The following ATF2 variants were observed in gnomAD, a reference collection of about 807,000 sequenced individuals.
The protein encoded by ATF2 is activating transcription factor 2, also known as cyclic AMP-dependent transcription factor ATF-2.
In ATF2, 24 loss-of-function variants were observed where a neutral mutation model predicts 60.6. That is an observed-to-expected ratio of 0.40 (90% CI 0.29 to 0.56). The LOEUF is 0.56. ATF2 is among the 20% of genes least tolerant of loss of function. The pLI, the probability that ATF2 is intolerant of heterozygous loss-of-function variation, is 0.54. For missense variants in ATF2, 433 were observed against 607.7 expected, an observed-to-expected ratio of 0.71 and a Z score of 3.02; for synonymous variants, 206 against 215.4, an observed-to-expected ratio of 0.96 and a Z score of 0.38.
In ATF2 at chr2:175,111,172, G is replaced by A. The variant is rs538178289; in HGVS notation, c.828+396C>T. On this transcript the variant is annotated intron_variant, in intron 10 of 13. Coordinates refer to ENST00000264110, the MANE Select transcript of ATF2 (RefSeq NM_001880.4). ...CAACAGAAAAAAATGGTTTTATCAT[G>A]TTTGCTAACTTGTACACTATTTCAG... Among the ~76,000 whole-genome samples, 5 of 152,250 alleles carry A rather than the reference G, an allele frequency of 3.3e-5. 1 individual carries two copies. The highest frequency in any genetic ancestry group is 1.2e-4 in the African/African-American group (5 of 41,548).
chr2:175,114,136 TAA>T (rs765659135), intron 8 of ATF2, 28 bp from the exon 9 acceptor site: 2 of 1,546,010 alleles, frequency 1.3e-6, no homozygotes, highest in South Asian at 2.4e-5. Context: ...AGAGAAATTT[TAA>T]AAAAGAGATT....
Position 175,074,502 on chromosome 2 carries a change from A to C in ATF2, c.*107T>G. 5 of 1,389,384 alleles carry C rather than the reference A, an allele frequency of 3.6e-6. No individual in the cohort carries two copies. The highest frequency in any genetic ancestry group is 4.8e-6 in the Non-Finnish European group (5 of 1,046,322). 86.1% of individuals were successfully genotyped at this position (1,389,384 alleles called of 1,614,324 possible). A position where few individuals can be genotyped will look rare whatever the true frequency, so the allele number is the denominator to read the frequency against. ...GCCAAATTTAATTTCAAGTAAAAAA[A>C]AAAAATTTACAACCACAGATTTCGC... On this transcript the variant is annotated 3_prime_UTR_variant, in exon 14 of 14. Coordinates refer to ENST00000264110, the MANE Select transcript of ATF2 (RefSeq NM_001880.4).
intron 1 of ATF2, among the ~76,000 whole-genome samples, chr2:175,155,828 G>C (rs1205558077): frequency 6.6e-6 from 1 of 152,046 alleles, no homozygotes; most frequent in African/African-American, 2.4e-5. Flanking sequence ...ATGATATTTA[G>C]GTACTTATAA....
intron 2 of ATF2, among the ~76,000 whole-genome samples, chr2:175,136,946 A>T (rs16863054): frequency 0.26 from 39,576 of 151,850 alleles, 6,077 homozygotes; most frequent in African/African-American, 0.44. Context: ...AACAGCTCCA[A>T]TTGTATCAGC....
chr2:175,141,497 T>C (rs1183584349), intron 2 of ATF2, among the ~76,000 whole-genome samples: 1 of 151,994 alleles, frequency 6.6e-6, no homozygotes, highest in African/African-American at 2.4e-5. Context: ...TTTTCTTTTC[T>C]TTTTTTTCTT....
chr2:175,093,355 A>G, intron 11 of ATF2, 88 bp from the exon 12 acceptor site: 2 of 1,317,248 alleles, frequency 1.5e-6, no homozygotes, highest in Non-Finnish European at 2.1e-6. Flanking sequence ...GGGGGAGAGC[A>G]ACTGTATTTT....
chr2:175,162,537 C>T (rs1700092632), intron 1 of ATF2, among the ~76,000 whole-genome samples: 1 of 152,120 alleles, frequency 6.6e-6, no homozygotes, highest in Admixed American at 6.5e-5. Flanking sequence ...AGAAAAAATG[C>T]ACAGAGATGT....
rs1693000878 is a variant in ATF2, at chr2:175,072,447, TAC to T, written c.*2160_*2161del. 1 of 152,192 alleles carries T rather than the reference TAC, an allele frequency of 6.6e-6. No individual in the cohort carries two copies. The allele number at this position is 152,192 out of a possible 1,614,324, so 9.4% of individuals were successfully genotyped here. On this transcript the variant is annotated 3_prime_UTR_variant, in exon 14 of 14. Coordinates refer to ENST00000264110, the MANE Select transcript of ATF2 (RefSeq NM_001880.4). ...CTAATAATGATTTTTATTTGCTCAG[TAC>T]AGACTGATTTACAATGAAAGTTTTG...
chr2:175,155,148 T>C lies in ATF2; in HGVS notation c.-142-3990A>G, dbSNP rs150506044. ...AGTTTTAAGAAAATCAGCTTCTGTA[T>C]CTTCATCTTCCCTTTGTTTGCTTTC... On this transcript the variant is annotated intron_variant, in intron 1 of 13. Coordinates refer to ENST00000264110, the MANE Select transcript of ATF2 (RefSeq NM_001880.4). 2.9e-3 allele frequency among the ~76,000 whole-genome samples: 442 copies of C among 152,306 alleles called. 3 individuals carry two copies. Among genetic ancestry groups the C allele is most frequent in the African/African-American group, 9.5e-3 (393 of 41,570 alleles).
intron 1 of ATF2, among the ~76,000 whole-genome samples, chr2:175,166,489 G>T (rs1024685921): frequency 1.2e-4 from 19 of 152,062 alleles, no homozygotes; most frequent in African/African-American, 4.1e-4. Flanking sequence ...TATTTAAAAC[G>T]TATTTTACAA....
chr2:175,114,255 T>C, intron 8 of ATF2, 147 bp from the exon 9 acceptor site: 1 of 1,400,896 alleles, frequency 7.1e-7, no homozygotes, highest in East Asian at 2.7e-5. Context: ...AATTTAATTA[T>C]TTTTAATTGC....
intron 2 of ATF2, among the ~76,000 whole-genome samples, chr2:175,150,557 C>T (rs1322796464): frequency 6.6e-6 from 1 of 152,092 alleles, no homozygotes; most frequent in South Asian, 2.1e-4. Context: ...TTCCAATTAA[C>T]GTTTCTGATC....
At chr2:175,165,830 A>G (rs1042340736) in intron 1 of ATF2, among the ~76,000 whole-genome samples, 1 of 152,210 alleles carries the variant, frequency 6.6e-6, no homozygotes, top group Non-Finnish European at 1.5e-5. Context: ...ACACCCAGCT[A>G]ATTTTTGGTA....
intron 12 of ATF2, among the ~76,000 whole-genome samples, chr2:175,088,455 T>C (rs1018769240): frequency 1.3e-5 from 2 of 152,150 alleles, no homozygotes; most frequent in Non-Finnish European, 2.9e-5. Flanking sequence ...CTTTTCCACA[T>C]CATTAACTTA....
chr2:175,156,695 A>G (rs55672103), intron 1 of ATF2, among the ~76,000 whole-genome samples: 39,676 of 152,104 alleles, frequency 0.26, 6,164 homozygotes, highest in African/African-American at 0.44. Context: ...GAATTAACTT[A>G]GAAGTGGATT....
intron 10 of ATF2, among the ~76,000 whole-genome samples, chr2:175,109,397 T>C: frequency 6.6e-6 from 1 of 152,276 alleles, no homozygotes; most frequent in African/African-American, 2.4e-5. Flanking sequence ...AAAGTGGCTA[T>C]TTATATGAAA....
intron 3 of ATF2, among the ~76,000 whole-genome samples, chr2:175,134,112 T>C (rs1057397247): frequency 6.6e-6 from 1 of 152,194 alleles, no homozygotes; most frequent in Non-Finnish European, 1.5e-5. Context: ...ATCAAAAATA[T>C]GTGAGAAAAA....
At chr2:175,156,317 G>A (rs1234838242) in intron 1 of ATF2, among the ~76,000 whole-genome samples, 5 of 142,662 alleles carry the variant, frequency 3.5e-5, no homozygotes, top group Admixed American at 2.2e-4. Flanking sequence ...GTTGCAGTGA[G>A]CCGAGATTGC....
At chr2:175,079,921 A>T (rs974913788) in intron 13 of ATF2, among the ~76,000 whole-genome samples, 4 of 152,152 alleles carry the variant, frequency 2.6e-5, no homozygotes, top group Non-Finnish European at 4.4e-5. Context: ...GTTGTTTGTT[A>T]CAAATTTGTA....
Sources: allele counts gnomAD v4.1 joint callset (sites outside exome capture counted in the v4.1 genomes callset), GRCh38; gene constraint gnomAD v4.1.1; transcripts MANE v1.5; gene names NCBI Gene and HGNC (gene_info 2026-07-23, HGNC 2026-07-21).